The following PDZD9 variants were observed in gnomAD, a reference collection of about 807,000 sequenced individuals.
PDZD9 encodes PDZ domain containing 9.
PDZD9 carries 13 observed loss-of-function variants against 16.3 expected under a neutral mutation model. The ratio of observed to expected loss-of-function variants is 0.80; its 90% CI spans 0.52 to 1.27. The LOEUF (loss-of-function observed/expected upper bound fraction) is 1.27. Among genes scored for constraint, PDZD9 ranks in the 50% most tolerant of loss-of-function variants. The probability of loss-of-function intolerance (pLI) is 0.00; values close to 1 mark genes in which losing one functional copy is unlikely to be tolerated. For synonymous variants in PDZD9, 120 were observed against 111.0 expected (o/e 1.08, Z -0.51); for missense variants, 288 against 310.9 (o/e 0.93, Z 0.55).
At chr16:21,975,415 T>TGGCTC in the PDZD9 span, among the ~76,000 whole-genome samples, 1 of 152,036 alleles carries the variant, frequency 6.6e-6, no homozygotes, top group Non-Finnish European at 1.5e-5. Flanking sequence ...GTCTGGGGTG[T>TGGCTC]GGCTCTGAAA....
chr16:21,959,986 G>T, the PDZD9 span, among the ~76,000 whole-genome samples: 1 of 152,146 alleles, frequency 6.6e-6, no homozygotes, highest in African/African-American at 2.4e-5. Context: ...CAGAGCATAG[G>T]CAGAGTAGAT....
chr16:21,979,656 G>A (rs555454548), downstream of PDZD9, among the ~76,000 whole-genome samples: 14 of 152,300 alleles, frequency 9.2e-5, no homozygotes, highest in Admixed American at 5.2e-4. Flanking sequence ...TCCTGCTTTC[G>A]AGTGAGTCAG....
At chr16:21,971,746 G>T in the PDZD9 span, 1 of 1,318,852 alleles carries the variant, frequency 7.6e-7, no homozygotes, top group East Asian at 2.4e-5. Flanking sequence ...TGGATGGCTT[G>T]GGTGTTGTAT....
chr16:21,980,637 T>C, downstream of PDZD9: 1 of 1,614,228 alleles, frequency 6.2e-7, no homozygotes, highest in Non-Finnish European at 8.5e-7. Context: ...TTGCTGGTTC[T>C]TACATGCCAC....
chr16:21,976,130 C>T, the PDZD9 span: 1 of 1,497,334 alleles, frequency 6.7e-7, no homozygotes, highest in Non-Finnish European at 9.3e-7. Context: ...GACTCTGGTA[C>T]TGACCACAGA....
the PDZD9 span, among the ~76,000 whole-genome samples, chr16:21,973,736 T>C: frequency 1.3e-5 from 2 of 152,222 alleles, no homozygotes; most frequent in Non-Finnish European, 2.9e-5. Flanking sequence ...AGGTAACCTA[T>C]TTACAGAATA....
intron 1 of PDZD9, among the ~76,000 whole-genome samples, chr16:21,997,059 G>A (rs1479019359): frequency 6.6e-6 from 1 of 152,114 alleles, no homozygotes; most frequent in Non-Finnish European, 1.5e-5. Flanking sequence ...CTGGACTCAA[G>A]CAATCCTCCC....
At chr16:21,972,213 C>A in the PDZD9 span, 1 of 1,442,670 alleles carries the variant, frequency 6.9e-7, no homozygotes, top group Non-Finnish European at 9.4e-7. Flanking sequence ...AAATGTAAGA[C>A]AAACACACAG....
intron 2 of PDZD9, among the ~76,000 whole-genome samples, chr16:21,994,937 C>T (rs1899109139): frequency 6.6e-6 from 1 of 151,916 alleles, no homozygotes; most frequent in African/African-American, 2.4e-5. Flanking sequence ...CTCAAGTGAT[C>T]CTCCCACCTC....
the PDZD9 span, among the ~76,000 whole-genome samples, chr16:21,974,517 A>G: frequency 6.6e-6 from 1 of 152,248 alleles, no homozygotes; most frequent in Non-Finnish European, 1.5e-5. Context: ...ATTACCACTG[A>G]GAAGTCTGGT....
the PDZD9 span, among the ~76,000 whole-genome samples, chr16:21,977,492 A>AT: frequency 1.3e-5 from 2 of 152,158 alleles, no homozygotes; most frequent in Non-Finnish European, 2.9e-5. Context: ...AAAAGATCTG[A>AT]TTTTGTTTTG....
At chr16:21,988,918 A>C in intron 2 of PDZD9, 127 bp from the exon 3 acceptor site, 3 of 659,056 alleles carry the variant, frequency 4.6e-6, no homozygotes, top group Non-Finnish European at 6.9e-6. Flanking sequence ...AACCAAAACC[A>C]GGCTTCAGCC....
At chr16:21,987,365 A>G (rs969313119) in intron 3 of PDZD9, among the ~76,000 whole-genome samples, 4 of 152,190 alleles carry the variant, frequency 2.6e-5, no homozygotes, top group African/African-American at 7.2e-5. Flanking sequence ...GGTTGCAGTG[A>G]GCCAAGGTCA....
At position 21,988,687 on chromosome 16, in the gene PDZD9, T is replaced by G. The variant is rs1898944499; in HGVS notation, c.316A>C (p.Lys106Gln). 2 of 1,613,112 alleles carry G rather than the reference T, an allele frequency of 1.2e-6. No homozygotes were observed. Among genetic ancestry groups the G allele is most frequent in the Admixed American group, 3.3e-5 (2 of 59,986 alleles). The change falls in exon 3 of 4, where the codon AAG (lysine) becomes CAG (glutamine). Residue 106 changes from lysine (K) to glutamine (Q), a missense_variant. Transcript: ENST00000424898. ...ATGTTAATAAAATCTCGGTAAACCTTGATTTGTAGCACTGTTCCAATAGTG... is the reference window on the plus strand; with the variant it reads ...ATGTTAATAAAATCTCGGTAAACCTGGATTTGTAGCACTGTTCCAATAGTG... Reference protein sequence around the residue: ...HITIGTVLQIKVYRDFINIPE... With the variant: ...HITIGTVLQIQVYRDFINIPE...
downstream of PDZD9, chr16:21,980,381 C>A: frequency 1.4e-6 from 1 of 725,318 alleles, no homozygotes; most frequent in Non-Finnish European, 2.2e-6. Flanking sequence ...TTAGTATGTT[C>A]CAGAGAAGGG....
the PDZD9 span, chr16:21,974,112 A>G: frequency 2.8e-6 from 2 of 717,742 alleles, no homozygotes; most frequent in South Asian, 2.1e-5. Flanking sequence ...GTATGATGTC[A>G]TTGAAGCATT....
At chr16:21,989,237 C>T (rs917746624) in intron 2 of PDZD9, among the ~76,000 whole-genome samples, 5 of 151,908 alleles carry the variant, frequency 3.3e-5, no homozygotes, top group African/African-American at 9.7e-5. Context: ...CCGGCCCAGC[C>T]TTTATTTAAT....
At position 21,996,419 on chromosome 16, in the gene PDZD9, C is replaced by T. The variant is rs1467397935; in HGVS notation, c.114G>A (p.Leu38=). ...GCTGGATGATGATGAGGCCTAATCC[C>T]AGGCTACCCACAGTGAGTTTGGTCT... ...TQQTKLTVGS[L]GLGLIIIQHG... The change falls in exon 2 of 4, where the codon CTG becomes CTA. Residue 38 remains leucine, a synonymous_variant. Transcript: ENST00000424898. The T allele has an allele frequency of 1.3e-6, 2 of 1,536,052 alleles. No individual in the cohort carries two copies. Among genetic ancestry groups the T allele is most frequent in the South Asian group, 1.2e-5 (1 of 84,048 alleles).
downstream of PDZD9, chr16:21,980,596 T>C: frequency 6.2e-7 from 1 of 1,614,200 alleles, no homozygotes. Flanking sequence ...TTCTGAGTGT[T>C]TCCTGGAAGA....
Sources: allele counts gnomAD v4.1 joint callset (sites outside exome capture counted in the v4.1 genomes callset), GRCh38; gene constraint gnomAD v4.1.1; transcripts MANE v1.5; gene names NCBI Gene and HGNC (gene_info 2026-07-23, HGNC 2026-07-21).